UNC5C: variants seen among roughly 807,000 people sequenced by gnomAD.
UNC5C encodes the protein netrin receptor UNC5C.
A neutral mutation model predicts 99.8 loss-of-function variants in UNC5C; 47 were observed. The observed-to-expected ratio is 0.47, with a 90% CI of 0.37 to 0.60. The LOEUF (loss-of-function observed/expected upper bound fraction) is 0.60. UNC5C is among the 20% of genes least tolerant of loss of function. UNC5C has a pLI of 0.00. For missense variants in UNC5C, 1,062 were observed against 1,165.9 expected, an observed-to-expected ratio of 0.91 and a Z score of 1.30; for synonymous variants, 487 against 452.2, an observed-to-expected ratio of 1.08 and a Z score of -0.98.
intron 1 of UNC5C, among the ~76,000 whole-genome samples, chr4:95,513,185 C>A (rs1722124655): frequency 6.6e-6 from 1 of 152,140 alleles, no homozygotes; most frequent in African/African-American, 2.4e-5. Context: ...GCATGTAATG[C>A]AATTATATGG....
At chr4:95,264,280 T>C (rs183540670) in intron 4 of UNC5C, among the ~76,000 whole-genome samples, 105 of 152,258 alleles carry the variant, frequency 6.9e-4, no homozygotes, top group African/African-American at 2.4e-3. Context: ...AGACATGAAC[T>C]TGAAGGTTTA....
intron 2 of UNC5C, among the ~76,000 whole-genome samples, chr4:95,332,063 A>G (rs1743134591): frequency 6.6e-6 from 1 of 152,186 alleles, no homozygotes; most frequent in Non-Finnish European, 1.5e-5. Flanking sequence ...GCTCAATGAA[A>G]TAAAAGAGGA....
chr4:95,292,184 CAT>C (rs1240368386), intron 3 of UNC5C, among the ~76,000 whole-genome samples: 3 of 146,622 alleles, frequency 2.0e-5, no homozygotes, highest in South Asian at 2.1e-4. Flanking sequence ...CATGAGATTA[CAT>C]ATATATATAC....
intron 1 of UNC5C, among the ~76,000 whole-genome samples, chr4:95,448,486 G>T (rs547915338): frequency 1.3e-5 from 2 of 152,204 alleles, no homozygotes; most frequent in African/African-American, 2.4e-5. Context: ...AAATGGATAT[G>T]AAATCAATTT....
intron 1 of UNC5C, among the ~76,000 whole-genome samples, chr4:95,442,135 T>A (rs139305913): frequency 1.3e-3 from 194 of 152,226 alleles, no homozygotes; most frequent in Non-Finnish European, 2.3e-3. Flanking sequence ...AGAAAGAGAT[T>A]GAATTATCTT....
intron 2 of UNC5C, among the ~76,000 whole-genome samples, chr4:95,330,911 A>C (rs183262590): frequency 1.4e-3 from 217 of 152,154 alleles, no homozygotes; most frequent in Non-Finnish European, 2.7e-3. Flanking sequence ...GGTATCCATC[A>C]CCTGAATAAC....
At chr4:95,189,718 C>T (rs1258910569) in intron 12 of UNC5C, among the ~76,000 whole-genome samples, 2 of 152,196 alleles carry the variant, frequency 1.3e-5, no homozygotes, top group Non-Finnish European at 2.9e-5. Context: ...GACATTTATG[C>T]AGTCAACAGA....
At position 95,346,004 on chromosome 4, in the gene UNC5C, G is replaced by A. The variant is rs113705263; in HGVS notation, c.125-10373C>T. On this transcript the variant is annotated intron_variant, in intron 1 of 15. Transcript: ENST00000453304. ...TAGAAGAAAAGAAATAATAAAGATC[G>A]GAGCAGAAATAAAGGATATTGAAAT... is the stretch of plus-strand genomic sequence containing the variant. Among the ~76,000 whole-genome samples, 398 of 151,608 alleles carry A rather than the reference G, an allele frequency of 2.6e-3. 1 individual carries two copies. Among genetic ancestry groups the A allele is most frequent in the African/African-American group, 9.0e-3 (373 of 41,434 alleles).
chr4:95,530,944 T>G (rs561516069), intron 1 of UNC5C, among the ~76,000 whole-genome samples: 54 of 152,308 alleles, frequency 3.5e-4, no homozygotes, highest in African/African-American at 1.2e-3. Context: ...TCATCCAATA[T>G]ATTCATGTGA....
chr4:95,242,570 T>G lies in UNC5C; in HGVS notation c.967A>C (p.Ser323Arg). The change falls in exon 7 of 16, where the codon AGC becomes CGC. Residue 323 changes from serine (S) to arginine (R), a missense_variant. Around this residue, in one of 3 missense-constraint regions of UNC5C, gnomAD observed 810 missense variants for 854.5 expected, o/e 0.95. Coordinates refer to ENST00000453304, the MANE Select transcript of UNC5C (RefSeq NM_003728.4). ...TCAGTTCCACAAGTAGACCACTTGC[T>G]CCATGGCGTCCACCTGCCATCCACT... ...CPVDGRWTPW[S>R]KWSTCGTECT... 5 of 1,591,926 alleles carry G rather than the reference T, an allele frequency of 3.1e-6. No individual in the cohort carries two copies. Among genetic ancestry groups the G allele is most frequent in the Non-Finnish European group, 4.3e-6 (5 of 1,168,152 alleles).
chr4:95,258,291 G>A (rs1740079812), intron 4 of UNC5C, among the ~76,000 whole-genome samples: 1 of 152,132 alleles, frequency 6.6e-6, no homozygotes, highest in Non-Finnish European at 1.5e-5. Flanking sequence ...ACTGAATTCT[G>A]TTCATATTTT....
intron 1 of UNC5C, among the ~76,000 whole-genome samples, chr4:95,369,283 G>C (rs1560807303): frequency 6.6e-6 from 1 of 152,018 alleles, no homozygotes; most frequent in Non-Finnish European, 1.5e-5. Flanking sequence ...AGGTGTGGTG[G>C]CTCACACCTG....
At position 95,167,135 on chromosome 4, in the gene UNC5C, A is replaced by G. The variant is rs920017355; in HGVS notation, c.*2099T>C. On this transcript the variant is annotated 3_prime_UTR_variant, in exon 16 of 16. Transcript: ENST00000453304. ...AGATGCTACCAAAATAGGAGCGGAA[A>G]CATGGAAAGATGGAAGCACATGTAT... 1.3e-5 allele frequency: 2 copies of G among 152,216 alleles called. No individual in the cohort carries two copies. Among genetic ancestry groups the G allele is most frequent in the African/African-American group, 2.4e-5 (1 of 41,462 alleles). 9.4% of individuals were successfully genotyped at this position (152,216 alleles called of 1,614,324 possible).
chr4:95,220,268 G>T, intron 7 of UNC5C, 92 bp from the exon 8 acceptor site: 3 of 1,188,726 alleles, frequency 2.5e-6, no homozygotes, highest in East Asian at 2.8e-5. Context: ...GACATTTACT[G>T]CCTTTTTTAT....
At chr4:95,259,845 T>C (rs1420906810) in intron 4 of UNC5C, among the ~76,000 whole-genome samples, 1 of 152,222 alleles carries the variant, frequency 6.6e-6, no homozygotes, top group Non-Finnish European at 1.5e-5. Context: ...TATTTTTACC[T>C]AGACCATCTA....
At chr4:95,535,640 T>G (rs1161782150) in intron 1 of UNC5C, among the ~76,000 whole-genome samples, 1 of 152,176 alleles carries the variant, frequency 6.6e-6, no homozygotes, top group Non-Finnish European at 1.5e-5. Flanking sequence ...AAGGACATAT[T>G]TTAGCACAAT....
rs764325623 is a variant in UNC5C, at chr4:95,169,248, C to T, written c.2782G>A (p.Glu928Lys). 1 of 1,614,102 alleles carries T rather than the reference C, an allele frequency of 6.2e-7. No individual in the cohort carries two copies. The highest frequency in any genetic ancestry group is 8.5e-7 in the Non-Finnish European group (1 of 1,180,024). Residue 928 changes from glutamate (E) to lysine (K), a missense_variant, in exon 16 of 16, where the codon GAA becomes AAA. By Grantham distance (56) the Glu-to-Lys change is moderately conservative. This residue lies in a region of UNC5C where 810 missense variants were observed against 854.5 expected (regional missense o/e 0.95). Coordinates refer to ENST00000453304, the MANE Select transcript of UNC5C (RefSeq NM_003728.4). ...RHETVVSLAAEGQY is the reference protein window; with the variant it reads ...RHETVVSLAAKGQY ...CAGCATGGTGGTTAATACTGCCCTTCTGCTGCTAAGGACACCACCGTTTCA... is the reference window on the plus strand; with the variant it reads ...CAGCATGGTGGTTAATACTGCCCTTTTGCTGCTAAGGACACCACCGTTTCA...
chr4:95,176,367 T>C (rs1290266897), intron 14 of UNC5C, among the ~76,000 whole-genome samples: 1 of 151,878 alleles, frequency 6.6e-6, no homozygotes, highest in Non-Finnish European at 1.5e-5. Flanking sequence ...TCCCCATCTT[T>C]GTGGTTTTAT....
At chr4:95,489,932 G>A (rs922671627) in intron 1 of UNC5C, among the ~76,000 whole-genome samples, 1 of 151,654 alleles carries the variant, frequency 6.6e-6, no homozygotes, top group Non-Finnish European at 1.5e-5. Flanking sequence ...GGAGTCATTA[G>A]CATATAAGTC....
Sources: gnomAD v4.1 joint callset for allele counts (sites outside exome capture counted in the v4.1 genomes callset) on GRCh38, gnomAD v4.1.1 for gene constraint, gnomAD v4.1.1 regional missense constraint, MANE v1.5 for transcripts, NCBI Gene and HGNC (gene_info 2026-07-23, HGNC 2026-07-21) for gene names.